The following CLMN variants were observed in gnomAD, a reference collection of about 807,000 sequenced individuals.
CLMN encodes calmin (calponin-like, transmembrane).
CLMN carries 57 observed loss-of-function variants against 92.7 expected under a neutral mutation model. The observed-to-expected ratio is 0.61, with a 90% CI of 0.50 to 0.77. The LOEUF is 0.77. Among genes scored for constraint, CLMN ranks in the 30% least tolerant of loss-of-function variants. CLMN has a pLI of 0.00. For synonymous variants in CLMN, 466 were observed against 470.6 expected (o/e 0.99, Z 0.13); for missense variants, 1,158 against 1,237.5 (o/e 0.94, Z 0.96).
At chr14:95,221,204 G>T (rs1276931770) in intron 4 of CLMN, among the ~76,000 whole-genome samples, 1 of 152,170 alleles carries the variant, frequency 6.6e-6, no homozygotes, top group Non-Finnish European at 1.5e-5. Context: ...GTGGAGCAGG[G>T]TTCCAGGCAC....
intron 4 of CLMN, 147 bp from the exon 5 acceptor site, chr14:95,215,880 T>C: frequency 1.5e-6 from 1 of 675,460 alleles, no homozygotes; most frequent in East Asian, 2.7e-5. Context: ...CCTGTTTTTC[T>C]TACTTACCCT....
At chr14:95,208,537 T>A (rs1407502498) in intron 8 of CLMN, among the ~76,000 whole-genome samples, 1 of 152,210 alleles carries the variant, frequency 6.6e-6, no homozygotes, top group Non-Finnish European at 1.5e-5. Flanking sequence ...ACATATTCCA[T>A]CTGACATGTA....
intron 2 of CLMN, among the ~76,000 whole-genome samples, chr14:95,224,198 C>T (rs943895290): frequency 6.6e-6 from 1 of 152,234 alleles, no homozygotes; most frequent in African/African-American, 2.4e-5. Flanking sequence ...ATCTTGACTA[C>T]ATCCTTCTGT....
In CLMN at chr14:95,213,362, G is replaced by A. The variant is rs1346548468; in HGVS notation, c.465C>T (p.Ser155=). 1 of 1,612,976 alleles carries A rather than the reference G, an allele frequency of 6.2e-7. No homozygotes were observed. The highest frequency in any genetic ancestry group is 8.5e-7 in the Non-Finnish European group (1 of 1,179,606). The change falls in exon 6 of 13, where the codon AGC becomes AGT. Residue 155 remains serine, a synonymous_variant. Transcript: ENST00000298912. ...GNLSRNSPSS[S]LSPGSGGTDS... The stretch of plus-strand genomic sequence containing the variant: ...CTGTGCCCCCTGAGCCAGGGGACAA[G>A]CTGGAAGATGGAGAGTTTCTGCTGA...
intron 9 of CLMN, among the ~76,000 whole-genome samples, chr14:95,198,042 C>CTTTTTTTTT (rs1019598103): frequency 1.7e-4 from 12 of 69,956 alleles, no homozygotes; most frequent in African/African-American, 2.4e-4. Context: ...TTTTTTCTTT[C>CTTTTTTTTT]TTTTTTTTTT....
At chr14:95,304,356 A>G (rs1006175603) in intron 1 of CLMN, among the ~76,000 whole-genome samples, 1 of 152,082 alleles carries the variant, frequency 6.6e-6, no homozygotes, top group Non-Finnish European at 1.5e-5. Flanking sequence ...AGAAAAAAAA[A>G]AAAGGAATCT....
intron 12 of CLMN, chr14:95,193,274 A>G (rs537681628): frequency 3.0e-6 from 4 of 1,320,854 alleles, no homozygotes; most frequent in East Asian, 5.0e-5. Context: ...CCAGCAATTC[A>G]GCAACATTAG....
intron 1 of CLMN, among the ~76,000 whole-genome samples, chr14:95,295,764 C>T (rs1443522250): frequency 6.6e-6 from 1 of 152,224 alleles, no homozygotes; most frequent in African/African-American, 2.4e-5. Flanking sequence ...ACAAACAAGT[C>T]AAGTTCGGTC....
chr14:95,286,186 GTATT>G (rs2140749536), intron 1 of CLMN, among the ~76,000 whole-genome samples: 1 of 152,278 alleles, frequency 6.6e-6, no homozygotes, highest in South Asian at 2.1e-4. Context: ...AAATACTAAA[GTATT>G]TATGAATGAA....
At chr14:95,291,057 C>T (rs1900545198) in intron 1 of CLMN, among the ~76,000 whole-genome samples, 1 of 152,250 alleles carries the variant, frequency 6.6e-6, no homozygotes, top group African/African-American at 2.4e-5. Context: ...GCTGACCACG[C>T]TCTTCTGTCA....
chr14:95,245,807 G>A (rs1199882471), intron 1 of CLMN, among the ~76,000 whole-genome samples: 1 of 150,374 alleles, frequency 6.7e-6, no homozygotes, highest in Non-Finnish European at 1.5e-5. Flanking sequence ...TGGATGGATG[G>A]ATGGATGGAC....
intron 1 of CLMN, among the ~76,000 whole-genome samples, chr14:95,231,792 A>G (rs1897897581): frequency 6.6e-6 from 1 of 152,192 alleles, no homozygotes; most frequent in South Asian, 2.1e-4. Context: ...CAGCTATTCC[A>G]ATCATGGCAA....
intron 1 of CLMN, among the ~76,000 whole-genome samples, chr14:95,288,986 CA>C (rs1900447431): frequency 6.6e-6 from 1 of 152,206 alleles, no homozygotes; most frequent in Non-Finnish European, 1.5e-5. Flanking sequence ...AGTTCCCAAA[CA>C]ATCAACATTC....
intron 6 of CLMN, among the ~76,000 whole-genome samples, chr14:95,212,450 A>G (rs1015725158): frequency 7.9e-5 from 12 of 152,232 alleles, no homozygotes; most frequent in Non-Finnish European, 1.2e-4. Context: ...CAAAACTGCT[A>G]AAATCACTCT....
intron 1 of CLMN, among the ~76,000 whole-genome samples, chr14:95,293,460 C>A (rs1900683760): frequency 6.8e-6 from 1 of 147,742 alleles, no homozygotes. Context: ...TTCAAGTTTT[C>A]TCTGACTTGT....
chr14:95,312,097 G>A (rs1901566273), intron 1 of CLMN, among the ~76,000 whole-genome samples: 1 of 152,104 alleles, frequency 6.6e-6, no homozygotes, highest in South Asian at 2.1e-4. Context: ...CTACAGGGCA[G>A]TCTAGCTGTG....
At position 95,203,873 on chromosome 14, in the gene CLMN, G is replaced by A. The variant is rs377177558; in HGVS notation, c.1476C>T (p.Asp492=). The part of the protein sequence containing the change: ...PESSSDKVAG[D]IFLVEGTNNN... ...TGTTTGTGCCCTCCACCAAAAAAAT[G>A]TCACCAGCGACCTTGTCAGAGGAGG... Residue 492 remains aspartate, a synonymous_variant, in exon 9 of 13, where the codon GAC becomes GAT. Transcript: ENST00000298912. 6 of 1,614,174 alleles carry A rather than the reference G, an allele frequency of 3.7e-6. No individual in the cohort carries two copies. Among genetic ancestry groups the A allele is most frequent in the Non-Finnish European group, 5.1e-6 (6 of 1,180,026 alleles).
intron 1 of CLMN, among the ~76,000 whole-genome samples, chr14:95,292,628 C>T (rs1016671273): frequency 3.3e-5 from 5 of 152,110 alleles, no homozygotes; most frequent in Non-Finnish European, 7.4e-5. Flanking sequence ...CGGGGACCGA[C>T]GGTACCCTCT....
intron 1 of CLMN, among the ~76,000 whole-genome samples, chr14:95,318,681 G>A (rs561341416): frequency 6.6e-6 from 1 of 152,188 alleles, no homozygotes; most frequent in Admixed American, 6.5e-5. Flanking sequence ...GAACCCTCTA[G>A]AAACCCAAGC....
Sources: allele counts gnomAD v4.1 joint callset (sites outside exome capture counted in the v4.1 genomes callset), GRCh38; gene constraint gnomAD v4.1.1; transcripts MANE v1.5; gene names NCBI Gene and HGNC (gene_info 2026-07-23, HGNC 2026-07-21).